The following SKAP2 variants were observed in gnomAD, a reference collection of about 807,000 sequenced individuals.
The protein encoded by SKAP2 is src kinase associated phosphoprotein 2.
Under a neutral mutation model 54.9 loss-of-function variants are expected in SKAP2, and 28 were observed. The observed-to-expected ratio is 0.51, with a 90% CI of 0.38 to 0.70. SKAP2 has a LOEUF of 0.70. SKAP2 is among the 30% of genes least tolerant of loss of function. The pLI, the probability that SKAP2 is intolerant of heterozygous loss-of-function variation, is 0.00. For synonymous variants in SKAP2, 137 were observed against 134.3 expected (o/e 1.02, Z -0.14); for missense variants, 356 against 424.1 (o/e 0.84, Z 1.41).
chr7:26,669,291 A>C lies in SKAP2; in HGVS notation c.*375T>G, dbSNP rs1354464393. The C allele has an allele frequency of 6.6e-6, 1 of 152,198 alleles. No homozygotes were observed. The highest frequency in any genetic ancestry group is 2.4e-5 in the African/African-American group (1 of 41,456). The allele number at this position is 152,198 out of a possible 1,614,324, so 9.4% of individuals were successfully genotyped here. Reference sequence around the variant, plus strand: ...TACTCTCTAAAAATAATTGATGTCCAATGATTAAGAAACATTACAAATCAC... The same window carrying C: ...TACTCTCTAAAAATAATTGATGTCCCATGATTAAGAAACATTACAAATCAC... On this transcript the variant is annotated 3_prime_UTR_variant, in exon 13 of 13. Transcript: ENST00000345317.
chr7:26,663,794 G>C (rs1220847944), downstream of SKAP2, among the ~76,000 whole-genome samples: 1 of 152,132 alleles, frequency 6.6e-6, no homozygotes. Flanking sequence ...TTAGAAAAGG[G>C]TCAGTTTGGC....
chr7:26,855,183 T>A (rs1785135026), intron 1 of SKAP2: 1 of 192,242 alleles, frequency 5.2e-6, no homozygotes, highest in East Asian at 1.3e-4. Flanking sequence ...CAAGTTTTAA[T>A]AAACTATGGT....
intron 3 of SKAP2, among the ~76,000 whole-genome samples, chr7:26,846,468 T>C (rs1221289182): frequency 6.6e-6 from 1 of 152,154 alleles, no homozygotes; most frequent in Admixed American, 6.5e-5. Context: ...TATATACACA[T>C]ACACACAAAT....
In SKAP2 at chr7:26,854,043, T is replaced by G. The variant is rs1785106223; in HGVS notation, c.199+94A>C. The G allele has an allele frequency of 8.8e-6, 7 of 798,058 alleles. 1 individual carries two copies. In the South Asian group the frequency reaches 1.2e-4, roughly 14 times the overall value. 49.4% of individuals were successfully genotyped at this position (798,058 alleles called of 1,614,324 possible). Reference sequence around the variant, plus strand: ...ACATTACGGAAATCTAAATTTTAATTCCAACTATCAAATTTCAGTATGTGT... The same window carrying G: ...ACATTACGGAAATCTAAATTTTAATGCCAACTATCAAATTTCAGTATGTGT... On this transcript the variant is annotated intron_variant, in intron 3 of 12. Transcript: ENST00000345317.
intron 1 of SKAP2, among the ~76,000 whole-genome samples, chr7:26,863,528 T>G (rs1477974183): frequency 3.3e-5 from 5 of 152,282 alleles, no homozygotes; most frequent in African/African-American, 1.2e-4. Context: ...GAAATATAAA[T>G]TATTGGTTCT....
intron 4 of SKAP2, among the ~76,000 whole-genome samples, chr7:26,769,950 C>T (rs984364203): frequency 2.0e-5 from 3 of 152,208 alleles, no homozygotes; most frequent in Non-Finnish European, 2.9e-5. Context: ...CTTGAGGAGG[C>T]AGTCTGACCC....
At position 26,689,124 on chromosome 7, in the gene SKAP2, A is replaced by G. The variant is rs116442260; in HGVS notation, c.874+1161T>C. ...AGAATCAGGCCTCTGTTTCCTTTCC[A>G]CATGTCACAGTAGGAAGGACTCTGG... is the stretch of plus-strand genomic sequence containing the variant. On this transcript the variant is annotated intron_variant, in intron 10 of 12. Coordinates refer to ENST00000345317, the MANE Select transcript of SKAP2 (RefSeq NM_003930.5). Among the ~76,000 whole-genome samples, 1,239 of 152,210 alleles carry G rather than the reference A, an allele frequency of 8.1e-3. 15 individuals carry two copies. Among genetic ancestry groups the G allele is most frequent in the African/African-American group, 0.028 (1,176 of 41,526 alleles).
intron 11 of SKAP2, among the ~76,000 whole-genome samples, chr7:26,672,490 A>G (rs1786263598): frequency 1.3e-5 from 2 of 152,020 alleles, no homozygotes; most frequent in South Asian, 4.1e-4. Context: ...GACTAAAATA[A>G]TCTTAAATGC....
intron 4 of SKAP2, among the ~76,000 whole-genome samples, chr7:26,768,897 T>C (rs1287283062): frequency 4.6e-5 from 7 of 152,226 alleles, no homozygotes; most frequent in Admixed American, 3.3e-4. Flanking sequence ...CATTTTTTCC[T>C]TCATTTCAAC....
chr7:26,864,424 G>A lies in SKAP2; in HGVS notation c.6C>T (p.Pro2=). The A allele has an allele frequency of 6.2e-7, 1 of 1,606,716 alleles. No individual in the cohort carries two copies. ...AGGGAGAGGAGGTGCTGCTGGGGTT[G>A]GGCATGTTAGGGAGCGCAGGGCGTG... M[P]NPSSTSSPYP... is the part of the protein sequence containing the mutation. The change falls in exon 1 of 13, where the codon CCC becomes CCT. Residue 2 remains proline, a synonymous_variant. Transcript: ENST00000345317.
intron 4 of SKAP2, among the ~76,000 whole-genome samples, chr7:26,786,514 T>C (rs140225165): frequency 6.6e-6 from 1 of 152,094 alleles, no homozygotes; most frequent in African/African-American, 2.4e-5. Context: ...AACTGAGGAA[T>C]ATAAAAGTAT....
At chr7:26,682,006 G>A (rs1786513655) in intron 11 of SKAP2, among the ~76,000 whole-genome samples, 2 of 151,658 alleles carry the variant, frequency 1.3e-5, no homozygotes, top group African/African-American at 2.4e-5. Context: ...ACTAGATGGC[G>A]TAAAAAAAAA....
intron 9 of SKAP2, among the ~76,000 whole-genome samples, chr7:26,712,800 G>A (rs1787338489): frequency 6.6e-6 from 1 of 152,158 alleles, no homozygotes; most frequent in African/African-American, 2.4e-5. Context: ...CAGTGAAGAT[G>A]TTTTACTTTG....
At chr7:26,762,099 T>C (rs1338884846) in intron 4 of SKAP2, among the ~76,000 whole-genome samples, 7 of 152,096 alleles carry the variant, frequency 4.6e-5, no homozygotes, top group Admixed American at 4.6e-4. Flanking sequence ...TACATTTAAA[T>C]TATGATATTG....
intron 3 of SKAP2, among the ~76,000 whole-genome samples, chr7:26,853,601 G>C (rs977306329): frequency 1.3e-4 from 19 of 151,996 alleles, no homozygotes; most frequent in Non-Finnish European, 1.5e-5. Context: ...TGGCCCCTAT[G>C]TATTCATATC....
intron 4 of SKAP2, among the ~76,000 whole-genome samples, chr7:26,822,584 C>T (rs954034661): frequency 1.3e-5 from 2 of 152,036 alleles, no homozygotes; most frequent in Admixed American, 6.6e-5. Flanking sequence ...CAATTAATAA[C>T]CCTACAATGG....
intron 9 of SKAP2, among the ~76,000 whole-genome samples, chr7:26,716,819 G>A (rs1044604435): frequency 5.9e-5 from 9 of 152,018 alleles, no homozygotes; most frequent in African/African-American, 2.2e-4. Context: ...TTCTGAACAG[G>A]ACAACATCTG....
At chr7:26,790,714 T>C (rs1426678440) in intron 4 of SKAP2, among the ~76,000 whole-genome samples, 1 of 152,170 alleles carries the variant, frequency 6.6e-6, no homozygotes, top group African/African-American at 2.4e-5. Flanking sequence ...AGTGAAGACT[T>C]TGGAGATTCT....
At chr7:26,861,010 C>T (rs963450232) in intron 1 of SKAP2, among the ~76,000 whole-genome samples, 1 of 151,856 alleles carries the variant, frequency 6.6e-6, no homozygotes, top group Non-Finnish European at 1.5e-5. Context: ...TCACTATTTT[C>T]TTCTTTTAAC....
Sources: allele counts gnomAD v4.1 joint callset (sites outside exome capture counted in the v4.1 genomes callset), GRCh38; gene constraint gnomAD v4.1.1; transcripts MANE v1.5; gene names NCBI Gene and HGNC (gene_info 2026-07-23, HGNC 2026-07-21).